CADPS2: variants seen among roughly 807,000 people sequenced by gnomAD.
CADPS2 encodes calcium dependent secretion activator 2.
In CADPS2, 93 loss-of-function variants were observed where a neutral mutation model predicts 172.5. That is an observed-to-expected ratio of 0.54 (90% CI 0.46 to 0.64). The LOEUF (loss-of-function observed/expected upper bound fraction) is 0.64, where lower values mean the gene tolerates loss of function less well. CADPS2 is among the 30% of genes least tolerant of loss of function. The probability of loss-of-function intolerance (pLI) is 0.00; values close to 1 mark genes in which losing one functional copy is unlikely to be tolerated. For missense variants in CADPS2, 1,420 were observed against 1,565.9 expected, an observed-to-expected ratio of 0.91 and a Z score of 1.57; for synonymous variants, 546 against 555.2, an observed-to-expected ratio of 0.98 and a Z score of 0.23.
intron 1 of CADPS2, among the ~76,000 whole-genome samples, chr7:122,857,174 C>T (rs1297670339): frequency 1.3e-5 from 2 of 151,984 alleles, no homozygotes; most frequent in East Asian, 1.9e-4. Context: ...CATCATTAAC[C>T]GAGGAAAATA....
chr7:122,449,718 G>C (rs1034602411), intron 15 of CADPS2, among the ~76,000 whole-genome samples: 1 of 152,110 alleles, frequency 6.6e-6, no homozygotes, highest in Non-Finnish European at 1.5e-5. Context: ...ATTTCAGGCA[G>C]AGAATTCAAT....
At chr7:122,491,594 T>G (rs953615847) in intron 9 of CADPS2, among the ~76,000 whole-genome samples, 174 bp from the exon 10 acceptor site, 1 of 152,152 alleles carries the variant, frequency 6.6e-6, no homozygotes, top group African/African-American at 2.4e-5. Context: ...CACCTTTCGT[T>G]TGTCAGCTTG....
chr7:122,785,214 C>T (rs999719636), intron 1 of CADPS2, among the ~76,000 whole-genome samples: 5 of 152,178 alleles, frequency 3.3e-5, no homozygotes, highest in Admixed American at 2.0e-4. Context: ...CAAATGTTCA[C>T]GTCTCCTCCA....
chr7:122,703,511 T>A (rs1458085325), intron 2 of CADPS2, among the ~76,000 whole-genome samples: 1 of 152,148 alleles, frequency 6.6e-6, no homozygotes, highest in Non-Finnish European at 1.5e-5. Context: ...ATTGTTAGCC[T>A]AATACAGTCC....
chr7:122,761,205 C>A (rs2093367560), intron 1 of CADPS2, among the ~76,000 whole-genome samples: 1 of 152,114 alleles, frequency 6.6e-6, no homozygotes, highest in Non-Finnish European at 1.5e-5. Flanking sequence ...CCAGACATAA[C>A]TGAAAGTGGG....
chr7:122,471,361 G>C lies in CADPS2; in HGVS notation c.2186+14C>G. 2 of 1,511,774 alleles carry C rather than the reference G, an allele frequency of 1.3e-6. No individual in the cohort carries two copies. The highest frequency in any genetic ancestry group is 1.8e-6 in the Non-Finnish European group (2 of 1,116,934). The allele number at this position is 1,511,774 out of a possible 1,614,324, so 93.6% of individuals were successfully genotyped here. ...ACCCCATACATTTCACTTTGTATTTGCAAGTAAAAATACCTGTTGCCGTGC... is the reference window on the plus strand; with the variant it reads ...ACCCCATACATTTCACTTTGTATTTCCAAGTAAAAATACCTGTTGCCGTGC... On this transcript the variant is annotated intron_variant, in intron 14 of 29. Coordinates refer to ENST00000449022, the MANE Select transcript of CADPS2 (RefSeq NM_017954.11).
chr7:122,772,232 G>A (rs958333656), intron 1 of CADPS2, among the ~76,000 whole-genome samples: 10 of 152,136 alleles, frequency 6.6e-5, no homozygotes, highest in Non-Finnish European at 1.0e-4. Context: ...AAGATTAAAA[G>A]TGAATCAATT....
chr7:122,329,228 C>T (rs1398336935), intron 28 of CADPS2, among the ~76,000 whole-genome samples: 1 of 152,160 alleles, frequency 6.6e-6, no homozygotes, highest in Admixed American at 6.5e-5. Context: ...AATTAACAAA[C>T]CAAAGCAATG....
chr7:122,524,250 A>G (rs1278728329), intron 8 of CADPS2, among the ~76,000 whole-genome samples: 4 of 152,204 alleles, frequency 2.6e-5, no homozygotes, highest in African/African-American at 4.8e-5. Context: ...AAATGATCAA[A>G]TGTTATTTAA....
At chr7:122,822,412 A>G (rs76089585) in intron 1 of CADPS2, among the ~76,000 whole-genome samples, 1 of 151,864 alleles carries the variant, frequency 6.6e-6, no homozygotes, top group Non-Finnish European at 1.5e-5. Context: ...AGGTTCCCAC[A>G]CCGCCCCTAA....
chr7:122,765,793 G>C (rs1438136765), intron 1 of CADPS2, among the ~76,000 whole-genome samples: 2 of 152,020 alleles, frequency 1.3e-5, no homozygotes, highest in Non-Finnish European at 2.9e-5. Context: ...CTATTTTATA[G>C]TTGAGAAGAC....
intron 1 of CADPS2, among the ~76,000 whole-genome samples, chr7:122,865,149 T>C (rs890778473): frequency 6.6e-6 from 1 of 151,832 alleles, no homozygotes; most frequent in African/African-American, 2.4e-5. Context: ...GCATCTCCTC[T>C]CTCACACTCT....
At chr7:122,746,989 A>G (rs1012914337) in intron 1 of CADPS2, among the ~76,000 whole-genome samples, 4 of 152,136 alleles carry the variant, frequency 2.6e-5, no homozygotes, top group Admixed American at 6.6e-5. Context: ...CACTTCTCTG[A>G]GAGTGAAAAG....
intron 8 of CADPS2, among the ~76,000 whole-genome samples, chr7:122,546,886 T>C (rs2063677337): frequency 6.6e-6 from 1 of 152,112 alleles, no homozygotes; most frequent in Admixed American, 6.6e-5. Flanking sequence ...GGGGAAAATA[T>C]TTTCATGAAT....
intron 15 of CADPS2, among the ~76,000 whole-genome samples, chr7:122,441,810 T>A (rs2051389765): frequency 6.6e-6 from 1 of 152,212 alleles, no homozygotes; most frequent in Admixed American, 6.5e-5. Flanking sequence ...AACGTTTTGA[T>A]GATACTTGTT....
At chr7:122,722,166 A>G (rs959704396) in intron 2 of CADPS2, among the ~76,000 whole-genome samples, 4 of 152,152 alleles carry the variant, frequency 2.6e-5, no homozygotes, top group Non-Finnish European at 5.9e-5. Context: ...ACTCCTATTC[A>G]ACATAGTGTT....
intron 6 of CADPS2, among the ~76,000 whole-genome samples, chr7:122,609,584 C>T (rs899341811): frequency 2.0e-5 from 3 of 152,150 alleles, no homozygotes; most frequent in Non-Finnish European, 2.9e-5. Flanking sequence ...AATTACATTG[C>T]CTCACCGTTA....
chr7:122,356,533 C>G (rs1777011574), intron 27 of CADPS2, among the ~76,000 whole-genome samples: 1 of 152,158 alleles, frequency 6.6e-6, no homozygotes, highest in Non-Finnish European at 1.5e-5. Flanking sequence ...AAGGAAGTTA[C>G]TATGTACATC....
intron 7 of CADPS2, among the ~76,000 whole-genome samples, chr7:122,571,928 C>A (rs1181939032): frequency 6.6e-6 from 1 of 152,084 alleles, no homozygotes; most frequent in Non-Finnish European, 1.5e-5. Context: ...ATTAACTATA[C>A]TAATTTTTCA....
Sources: allele counts gnomAD v4.1 joint callset (sites outside exome capture counted in the v4.1 genomes callset), GRCh38; gene constraint gnomAD v4.1.1; transcripts MANE v1.5; gene names NCBI Gene and HGNC (gene_info 2026-07-23, HGNC 2026-07-21).